PPP2R2C: variants seen among roughly 807,000 people sequenced by gnomAD.
The protein encoded by PPP2R2C is protein phosphatase 2 regulatory subunit Bgamma.
In PPP2R2C, 10 loss-of-function variants were observed where a neutral mutation model predicts 45.3. That is an observed-to-expected ratio of 0.22 (90% confidence interval 0.14 to 0.37). The LOEUF (loss-of-function observed/expected upper bound fraction) is 0.37. Among genes scored for constraint, PPP2R2C ranks in the 10% least tolerant of loss-of-function variants. The pLI is 1.00. For synonymous variants in PPP2R2C, 257 were observed against 245.4 expected, an observed-to-expected ratio of 1.05 and a Z score of -0.44; for missense variants, 308 against 619.7, an observed-to-expected ratio of 0.50 and a Z score of 5.34.
In PPP2R2C at chr4:6,378,447, G is replaced by A. The variant is rs1418364679; in HGVS notation, c.294C>T (p.Leu98=). Residue 98 remains leucine, a synonymous_variant, in exon 3 of 9, where the codon CTC becomes CTT. Coordinates refer to ENST00000382599, the MANE Select transcript of PPP2R2C (RefSeq NM_020416.4). The surrounding 1 kb of genome is among the most constrained non-coding windows in gnomAD (Gnocchi z 5.2). ...IEEKINKIKW[L]PQQNAAHSLL... ...GTGAGTGGGCGGCGTTCTGCTGTGG[G>A]AGCCACTTGATCTTGTTGATCTTCT... The A allele has an allele frequency of 3.1e-6, 5 of 1,614,076 alleles. No individual in the cohort carries two copies. In the South Asian group the frequency reaches 5.5e-5, roughly 18 times the overall value.
At chr4:6,403,768 C>G (rs1717604594) in intron 1 of PPP2R2C, among the ~76,000 whole-genome samples, 1 of 151,734 alleles carries the variant, frequency 6.6e-6, no homozygotes, top group East Asian at 1.9e-4. Context: ...GAGGCTGAGG[C>G]AGGAGAATCG....
chr4:6,500,349 C>T (rs1028346511), intron 2 of PPP2R2C, among the ~76,000 whole-genome samples: 5 of 152,106 alleles, frequency 3.3e-5, no homozygotes, highest in African/African-American at 1.2e-4. Flanking sequence ...GGTTTCACCA[C>T]GTTGGCCAGG....
At chr4:6,546,332 C>T (rs1724983372) in intron 1 of PPP2R2C, among the ~76,000 whole-genome samples, 1 of 152,176 alleles carries the variant, frequency 6.6e-6, no homozygotes, top group Admixed American at 6.5e-5. Flanking sequence ...GGGCCGTTGA[C>T]ACACAGCATG....
chr4:6,560,316 G>A (rs114114026), intron 1 of PPP2R2C, among the ~76,000 whole-genome samples: 1 of 152,362 alleles, frequency 6.6e-6, no homozygotes, highest in African/African-American at 2.4e-5. Flanking sequence ...CAAGCCAGGG[G>A]CGTTTCCATA....
intron 8 of PPP2R2C, among the ~76,000 whole-genome samples, chr4:6,325,706 C>T (rs1385319287): frequency 1.3e-5 from 2 of 152,152 alleles, no homozygotes; most frequent in Non-Finnish European, 2.9e-5. Flanking sequence ...AGCACCAGGC[C>T]GCACCACCAT....
Position 6,382,006 on chromosome 4 carries a change from A to C in PPP2R2C, c.71-912T>G, listed in dbSNP as rs937525182. 9 of 1,415,650 alleles carry C rather than the reference A, an allele frequency of 6.4e-6. No individual in the cohort carries two copies. In the African/African-American group the frequency reaches 1.2e-4, roughly 18 times the overall value. The allele number at this position is 1,415,650 out of a possible 1,614,324, so 87.7% of individuals were successfully genotyped here. On this transcript the variant is annotated intron_variant, in intron 1 of 8. Transcript: ENST00000382599. Reference sequence around the variant, plus strand: ...GGGGAGGACAAGGCCCTAGCCTGGAAGAGAAACCCCCACTGGAGGACAGCT... The same window carrying C: ...GGGGAGGACAAGGCCCTAGCCTGGACGAGAAACCCCCACTGGAGGACAGCT...
upstream of PPP2R2C, among the ~76,000 whole-genome samples, chr4:6,475,152 G>C (rs116755844): frequency 7.5e-3 from 1,140 of 152,332 alleles, 7 homozygotes; most frequent in African/African-American, 0.026. Flanking sequence ...GGCCATGACT[G>C]GTGCAGAGGA....
At chr4:6,538,482 C>G (rs1440762440) in intron 1 of PPP2R2C, among the ~76,000 whole-genome samples, 1 of 152,214 alleles carries the variant, frequency 6.6e-6, no homozygotes, top group Non-Finnish European at 1.5e-5. Context: ...GTTGATGGTG[C>G]TGAACACACC....
At chr4:6,442,244 C>T (rs1001720839) in intron 1 of PPP2R2C, among the ~76,000 whole-genome samples, 2 of 152,240 alleles carry the variant, frequency 1.3e-5, no homozygotes, top group African/African-American at 4.8e-5. Context: ...TCCCCACTAT[C>T]TGCACCCCCA....
intron 2 of PPP2R2C, among the ~76,000 whole-genome samples, chr4:6,498,843 C>T (rs1722956991): frequency 6.7e-6 from 1 of 148,558 alleles, no homozygotes; most frequent in Non-Finnish European, 1.5e-5. Flanking sequence ...CTTGATGGGG[C>T]TGGTATTGAA....
rs531753174 is a variant in PPP2R2C, at chr4:6,329,230, G to C, written c.1052+32C>G. 3.1e-6 allele frequency: 5 copies of C among 1,593,096 alleles called. No individual in the cohort carries two copies. The highest frequency in any genetic ancestry group is 8.6e-7 in the Non-Finnish European group (1 of 1,161,922). On this transcript the variant is annotated intron_variant, in intron 8 of 8. Coordinates refer to ENST00000382599, the MANE Select transcript of PPP2R2C (RefSeq NM_020416.4). The surrounding 1 kb of genome is among the most constrained non-coding windows in gnomAD (Gnocchi z 5.8). ...GCAGGGCAGAAACCCTCCCTACGGT[G>C]AGGTGAGGTGCGGGCTGAGGTCAGG...
chr4:6,468,134 T>A (rs1045942022), intron 1 of PPP2R2C, among the ~76,000 whole-genome samples: 2 of 152,254 alleles, frequency 1.3e-5, no homozygotes, highest in Middle Eastern at 3.4e-3. Context: ...ACGTCCACCA[T>A]AAGGGTGCAG....
intron 6 of PPP2R2C, among the ~76,000 whole-genome samples, chr4:6,346,356 C>T (rs1305636232): frequency 6.6e-6 from 1 of 152,196 alleles, no homozygotes. Flanking sequence ...CCTTCTCGAA[C>T]ATTCTTCCCC....
At chr4:6,515,236 C>T (rs1208562482) in intron 2 of PPP2R2C, among the ~76,000 whole-genome samples, 14 of 152,196 alleles carry the variant, frequency 9.2e-5, no homozygotes, top group Non-Finnish European at 4.4e-5. Flanking sequence ...GAGGCTCTGG[C>T]AAACTGGGGA....
chr4:6,379,037 G>A (rs2109309509), intron 2 of PPP2R2C, among the ~76,000 whole-genome samples: 1 of 152,058 alleles, frequency 6.6e-6, no homozygotes, highest in African/African-American at 2.4e-5. Flanking sequence ...AAGGCTTGAG[G>A]CTCTGGCCAC....
chr4:6,494,036 A>G (rs1722797327), intron 2 of PPP2R2C, among the ~76,000 whole-genome samples: 1 of 152,152 alleles, frequency 6.6e-6, no homozygotes, highest in Non-Finnish European at 1.5e-5. Flanking sequence ...GGGTTTGCAC[A>G]TTTTTTAAAC....
chr4:6,381,495 C>T, intron 1 of PPP2R2C: 25 of 1,375,282 alleles, frequency 1.8e-5, no homozygotes, highest in Non-Finnish European at 2.3e-5. Flanking sequence ...CAACCTGGGT[C>T]AGGGAAGCCC....
chr4:6,559,408 C>G (rs10212978), intron 1 of PPP2R2C, among the ~76,000 whole-genome samples: 1 of 75,340 alleles, frequency 1.3e-5, no homozygotes, highest in East Asian at 7.9e-4. Flanking sequence ...CACACACACA[C>G]ACACACACAC....
In PPP2R2C at chr4:6,378,655, G is replaced by A; in HGVS notation, c.169-83C>T. ...GACCTCCGGGGACCCAGCAGGGCCG[G>A]CCGTGGGACCAAGTGCCGAGCCGTG... On this transcript the variant is annotated intron_variant, in intron 2 of 8. Transcript: ENST00000382599. The surrounding 1 kb of genome is among the most constrained non-coding windows in gnomAD (Gnocchi z 5.2). 1.4e-6 allele frequency: 2 copies of A among 1,444,324 alleles called. No homozygotes were observed. The highest frequency in any genetic ancestry group is 1.9e-6 in the Non-Finnish European group (2 of 1,065,096). The allele number at this position is 1,444,324 out of a possible 1,614,324, so 89.5% of individuals were successfully genotyped here.
Sources: gnomAD v4.1 joint callset for allele counts (sites outside exome capture counted in the v4.1 genomes callset) on GRCh38, gnomAD v4.1.1 for gene constraint, Gnocchi (gnomAD v3.1) non-coding constraint, MANE v1.5 for transcripts, NCBI Gene and HGNC (gene_info 2026-07-23, HGNC 2026-07-21) for gene names.